Variants in NUFIP2 observed in about 807,000 individuals in gnomAD.
NUFIP2 encodes the protein FMR1-interacting protein NUFIP2.
In NUFIP2, 6 loss-of-function variants were observed where a neutral mutation model predicts 56.9. The observed-to-expected ratio is 0.11, with a 90% CI of 0.06 to 0.21. The LOEUF is 0.21. Ranked by LOEUF, NUFIP2 falls within the 10% of genes least tolerant of loss-of-function variation. The pLI is 1.00. For synonymous variants in NUFIP2, 321 were observed against 298.2 expected (o/e 1.08, Z -0.79); for missense variants, 828 against 826.8 (o/e 1.00, Z -0.02).
chr17:29,288,654 G>T (rs2069192528), intron 1 of NUFIP2, among the ~76,000 whole-genome samples: 1 of 152,098 alleles, frequency 6.6e-6, no homozygotes, highest in African/African-American at 2.4e-5. Context: ...TTTACATTTA[G>T]ATAAAAAGAC....
intron 1 of NUFIP2, among the ~76,000 whole-genome samples, chr17:29,290,672 GAAAGA>G (rs1198763806): frequency 7.7e-6 from 1 of 129,520 alleles, no homozygotes; most frequent in African/African-American, 2.9e-5. Context: ...AAAAAAGAAA[GAAAGA>G]AAGAAAGAAA....
intron 2 of NUFIP2, 144 bp downstream of exon 2, chr17:29,285,848 A>C (rs2069170007): frequency 1.6e-6 from 1 of 611,898 alleles, no homozygotes. Flanking sequence ...ACCCTGAATT[A>C]GTTTGACACC....
chr17:29,275,307 AGCCACCATACCTG>A (rs2069100998), intron 2 of NUFIP2, among the ~76,000 whole-genome samples: 7 of 152,180 alleles, frequency 4.6e-5, no homozygotes, highest in Admixed American at 4.6e-4. Context: ...TACAGGCATG[AGCCACCATACCTG>A]GCCTCTGAAG....
intron 2 of NUFIP2, among the ~76,000 whole-genome samples, chr17:29,279,349 A>T (rs72819467): frequency 0.22 from 33,104 of 152,148 alleles, 4,388 homozygotes; most frequent in Non-Finnish European, 0.3. Context: ...TTTTTAAAAA[A>T]TTTTTTTTAA....
intron 2 of NUFIP2, among the ~76,000 whole-genome samples, chr17:29,277,994 G>A (rs1304861221): frequency 6.6e-6 from 1 of 151,920 alleles, no homozygotes. Flanking sequence ...CCTGGGCAAC[G>A]AGAGTGAAAC....
rs147815089 is a variant in NUFIP2 at position 29,274,191 on chromosome 17, A to G, written c.2003-6661T>C. 2.6e-5 allele frequency among the ~76,000 whole-genome samples: 4 copies of G among 152,354 alleles called. No homozygotes were observed. In the East Asian group the frequency reaches 7.7e-4, roughly 29 times the overall value. On this transcript the variant is annotated intron_variant, in intron 2 of 3. Transcript: ENST00000225388. ...CTATCCACCATCTGTTTTTGCAAAT[A>G]AAGTTTTAATGAGGGCCTGTGGTGG...
At chr17:29,289,332 C>A (rs577396818) in intron 1 of NUFIP2, among the ~76,000 whole-genome samples, 2 of 151,968 alleles carry the variant, frequency 1.3e-5, no homozygotes, top group African/African-American at 4.8e-5. Flanking sequence ...GTGGCTAATG[C>A]CTATAATCCC....
At chr17:29,285,029 A>G (rs11658157) in intron 2 of NUFIP2, among the ~76,000 whole-genome samples, 13,227 of 152,270 alleles carry the variant, frequency 0.087, 833 homozygotes, top group East Asian at 0.3. Context: ...GAGGCTGGGC[A>G]CGGTGGCTCA....
chr17:29,282,263 A>G (rs2069145006), intron 2 of NUFIP2, among the ~76,000 whole-genome samples: 1 of 151,874 alleles, frequency 6.6e-6, no homozygotes, highest in Non-Finnish European at 1.5e-5. Context: ...GAGTCAAATA[A>G]ACACCTTTCT....
chr17:29,292,859 G>C (rs1271386836), intron 1 of NUFIP2, among the ~76,000 whole-genome samples: 1 of 142,178 alleles, frequency 7.0e-6, no homozygotes, highest in African/African-American at 2.6e-5. Flanking sequence ...CCGCCACCGG[G>C]TTACACAACC....
chr17:29,272,441 C>T (rs568180762), intron 2 of NUFIP2, among the ~76,000 whole-genome samples: 5 of 152,094 alleles, frequency 3.3e-5, no homozygotes, highest in Admixed American at 2.6e-4. Flanking sequence ...GGGGTTTCAC[C>T]GTGTTAGCCA....
Position 29,286,187 on chromosome 17 carries a change from T to C in NUFIP2, c.1807A>G (p.Lys603Glu). 6.2e-7 allele frequency: 1 copy of C among 1,614,008 alleles called. No homozygotes were observed. The highest frequency in any genetic ancestry group is 8.5e-7 in the Non-Finnish European group (1 of 1,179,896). The change falls in exon 2 of 4, where the codon AAA (lysine) becomes GAA (glutamate). Residue 603 changes from lysine to glutamate, a missense_variant. By Grantham distance (56) the Lys-to-Glu change is moderately conservative. Around this residue, in one of 3 missense-constraint regions of NUFIP2, gnomAD observed 404 missense variants for 380.3 expected, o/e 1.06. Coordinates refer to ENST00000225388, the MANE Select transcript of NUFIP2 (RefSeq NM_020772.3). The stretch of plus-strand genomic sequence containing the variant: ...GCACCTTGACTACTGGTGTCTGCTT[T>C]CTGCAGGTCACCTATATGACTGGGT... ...LEPSHIGDLQ[K>E]ADTSSQGALV...
At chr17:29,272,309 C>T (rs1242459498) in intron 2 of NUFIP2, among the ~76,000 whole-genome samples, 6 of 148,664 alleles carry the variant, frequency 4.0e-5, no homozygotes, top group Admixed American at 6.7e-5. Context: ...GGCGCTATCT[C>T]GGCTCACTGC....
intron 1 of NUFIP2, 98 bp downstream of exon 1, chr17:29,293,685 A>ACC: frequency 2.3e-6 from 3 of 1,300,272 alleles, no homozygotes; most frequent in Non-Finnish European, 3.1e-6. Context: ...ACACACACAC[A>ACC]CCCCGACCCC....
rs2069006277 is a variant in NUFIP2, at chr17:29,262,033, A to G, written c.*2506T>C. 2 of 152,316 alleles carry G rather than the reference A, an allele frequency of 1.3e-5. No individual in the cohort carries two copies. The highest frequency in any genetic ancestry group is 4.8e-5 in the African/African-American group (2 of 41,448). 9.4% of individuals were successfully genotyped at this position (152,316 alleles called of 1,614,324 possible). A position where few individuals can be genotyped will look rare whatever the true frequency, so the allele number is the denominator to read the frequency against. On this transcript the variant is annotated 3_prime_UTR_variant, in exon 4 of 4. Coordinates refer to ENST00000225388, the MANE Select transcript of NUFIP2 (RefSeq NM_020772.3). ...GAGGGATATGGAAGGAAATTAGAAAAGCAATAGCTTTCTAAAGATGTTTAA... is the reference window on the plus strand; with the variant it reads ...GAGGGATATGGAAGGAAATTAGAAAGGCAATAGCTTTCTAAAGATGTTTAA...
At chr17:29,284,723 A>G (rs1355964234) in intron 2 of NUFIP2, among the ~76,000 whole-genome samples, 24 of 150,770 alleles carry the variant, frequency 1.6e-4, no homozygotes, top group East Asian at 5.8e-4. Flanking sequence ...AAAAAAAAAA[A>G]AAAAGAAAAA....
chr17:29,272,687 G>A (rs1479404640), intron 2 of NUFIP2, among the ~76,000 whole-genome samples: 1 of 152,132 alleles, frequency 6.6e-6, no homozygotes, highest in Non-Finnish European at 1.5e-5. Context: ...TTTGGGACCA[G>A]AAGTGTTTTA....
chr17:29,270,236 C>T (rs958913686), intron 2 of NUFIP2, among the ~76,000 whole-genome samples: 2 of 150,804 alleles, frequency 1.3e-5, no homozygotes, highest in Non-Finnish European at 2.9e-5. Context: ...CAAATCTCTG[C>T]GCAGACACCT....
intron 1 of NUFIP2, 36 bp from the exon 2 acceptor site, chr17:29,287,752 T>A: frequency 6.9e-7 from 1 of 1,455,644 alleles, no homozygotes; most frequent in Non-Finnish European, 9.3e-7. Flanking sequence ...AAAAAAAAAA[T>A]CACAACATGT....
Sources: allele counts gnomAD v4.1 joint callset (sites outside exome capture counted in the v4.1 genomes callset), GRCh38; gene constraint gnomAD v4.1.1; regional missense constraint gnomAD v4.1.1; transcripts MANE v1.5; gene names NCBI Gene and HGNC (gene_info 2026-07-23, HGNC 2026-07-21).